CRB1: variants seen among roughly 807,000 people sequenced by gnomAD.
CRB1 encodes the protein protein crumbs homolog 1.
A neutral mutation model predicts 120.0 loss-of-function variants in CRB1; 83 were observed. That is an observed-to-expected ratio of 0.69 (90% CI 0.58 to 0.83). The LOEUF is 0.83. CRB1 is among the 40% of genes least tolerant of loss of function. CRB1 has a pLI of 0.00. For synonymous variants in CRB1, 625 were observed against 612.5 expected (o/e 1.02, Z -0.30); for missense variants, 1,699 against 1,687.6 (o/e 1.01, Z -0.12).
At chr1:197,268,578 C>A in intron 1 of CRB1, 96 bp downstream of exon 1, 5 of 990,610 alleles carry the variant, frequency 5.0e-6, no homozygotes, top group African/African-American at 3.3e-5. Flanking sequence ...CTATAAAATA[C>A]AATGCTAAAA....
At position 197,432,737 on chromosome 1, in the gene CRB1, T is replaced by G. The variant is rs115064670; in HGVS notation, c.2843-1969T>G. Reference sequence around the variant, plus strand: ...TAATTTTAAGTGGTAATGGGAGCTATGAAGAAAATTAAGCATAGACAGTGA... The same window carrying G: ...TAATTTTAAGTGGTAATGGGAGCTAGGAAGAAAATTAAGCATAGACAGTGA... On this transcript the variant is annotated intron_variant, in intron 8 of 11. Coordinates refer to ENST00000367400, the MANE Select transcript of CRB1 (RefSeq NM_201253.3). 6.6e-3 allele frequency among the ~76,000 whole-genome samples: 998 copies of G among 152,196 alleles called. 17 individuals are homozygous for G. The highest frequency in any genetic ancestry group is 0.023 in the African/African-American group (962 of 41,520).
chr1:197,293,103 G>A (rs1436421292), intron 1 of CRB1, among the ~76,000 whole-genome samples: 2 of 152,084 alleles, frequency 1.3e-5, no homozygotes, highest in Non-Finnish European at 2.9e-5. Flanking sequence ...ATTCGATCAG[G>A]AAAAGAGGAA....
At chr1:197,371,044 A>G (rs1661343592) in intron 5 of CRB1, among the ~76,000 whole-genome samples, 1 of 152,086 alleles carries the variant, frequency 6.6e-6, no homozygotes, top group Non-Finnish European at 1.5e-5. Context: ...AGAACCTCCA[A>G]TTATTCCAGT....
intron 1 of CRB1, among the ~76,000 whole-genome samples, chr1:197,269,824 A>G (rs1427206920): frequency 6.6e-6 from 1 of 152,228 alleles, no homozygotes; most frequent in Non-Finnish European, 1.5e-5. Context: ...TATAGTAACT[A>G]TGAATTGATA....
At chr1:197,456,803 A>G (rs1666305364) in intron 11 of CRB1, among the ~76,000 whole-genome samples, 2 of 152,140 alleles carry the variant, frequency 1.3e-5, no homozygotes, top group South Asian at 2.1e-4. Context: ...TATTTTAAAA[A>G]CCGGTTTCTG....
rs1167848229 is a variant in CRB1, at chr1:197,426,205, T to C, written c.2129-1249T>C. ...TTCTGTTGTATCTACCTTCAAAATATTTTGAAAATCTGACCACTTTTGACC... is the reference window on the plus strand; with the variant it reads ...TTCTGTTGTATCTACCTTCAAAATACTTTGAAAATCTGACCACTTTTGACC... On this transcript the variant is annotated intron_variant, in intron 6 of 11. Coordinates refer to ENST00000367400, the MANE Select transcript of CRB1 (RefSeq NM_201253.3). 3.3e-5 allele frequency among the ~76,000 whole-genome samples: 5 copies of C among 152,048 alleles called. No individual in the cohort carries two copies. The South Asian group carries it at 6.2e-4, about 19-fold the overall frequency.
the CRB1 span, among the ~76,000 whole-genome samples, chr1:197,244,075 C>T: frequency 6.6e-6 from 1 of 152,094 alleles, no homozygotes; most frequent in Non-Finnish European, 1.5e-5. Flanking sequence ...TGTCTTTGCA[C>T]ATTAGATGTG....
rs1667283137 is a variant in CRB1 at position 197,478,137 on chromosome 1, G to A, written c.*258G>A. 4 of 494,264 alleles carry A rather than the reference G, an allele frequency of 8.1e-6. No homozygotes were observed. Among genetic ancestry groups the A allele is most frequent in the African/African-American group, 3.9e-5 (2 of 51,498 alleles). The allele number at this position is 494,264 out of a possible 1,614,324, so 30.6% of individuals were successfully genotyped here. On this transcript the variant is annotated 3_prime_UTR_variant, in exon 12 of 12. Coordinates refer to ENST00000367400, the MANE Select transcript of CRB1 (RefSeq NM_201253.3). ...TTATAATTAGCAAAAACATCTTCCAGAGAATAAAGTCTTCTGTGGCTTTAG... is the reference window on the plus strand; with the variant it reads ...TTATAATTAGCAAAAACATCTTCCAAAGAATAAAGTCTTCTGTGGCTTTAG...
intron 1 of CRB1, among the ~76,000 whole-genome samples, chr1:197,279,951 A>G (rs575024625): frequency 1.3e-5 from 2 of 151,780 alleles, no homozygotes; most frequent in Non-Finnish European, 2.9e-5. Flanking sequence ...ATGTTTTTAC[A>G]TAGTTTATCT....
At chr1:197,255,965 TTATA>T in the CRB1 span, among the ~76,000 whole-genome samples, 5,276 of 85,314 alleles carry the variant, frequency 0.062, 350 homozygotes, top group African/African-American at 0.14. Flanking sequence ...ATAGAACATT[TTATA>T]TATATATATA....
In CRB1 at chr1:197,438,601, C is replaced by T. The variant is rs2125506255; in HGVS notation, c.3804C>T (p.Cys1268=). The T allele has an allele frequency of 3.1e-6, 5 of 1,612,998 alleles. No homozygotes were observed. Among genetic ancestry groups the T allele is most frequent in the Non-Finnish European group, 4.2e-6 (5 of 1,179,146 alleles). ...GGAATGAGAAGACAAATCTCACTTGCTACAATGGAGGCAACTGCACAGAGT... is the reference window on the plus strand; with the variant it reads ...GGAATGAGAAGACAAATCTCACTTGTTACAATGGAGGCAACTGCACAGAGT... ...VCGNEKTNLT[C]YNGGNCTEFQ... Residue 1268 remains cysteine (C), a synonymous_variant, in exon 10 of 12, where the codon TGC becomes TGT. Coordinates refer to ENST00000367400, the MANE Select transcript of CRB1 (RefSeq NM_201253.3).
chr1:197,379,541 C>G (rs1476094831), intron 5 of CRB1, among the ~76,000 whole-genome samples: 1 of 150,426 alleles, frequency 6.6e-6, no homozygotes, highest in Non-Finnish European at 1.5e-5. Context: ...ACCTCGTGAT[C>G]CGCCCACCTC....
intron 11 of CRB1, among the ~76,000 whole-genome samples, chr1:197,461,139 T>C (rs963102516): frequency 2.0e-5 from 3 of 152,160 alleles, no homozygotes; most frequent in African/African-American, 7.2e-5. Context: ...TAATTACCAA[T>C]ATAAATGCTC....
At position 197,327,004 on chromosome 1, in the gene CRB1, A is replaced by G. The variant is rs918098326; in HGVS notation, c.71-1418A>G. 3.3e-5 allele frequency among the ~76,000 whole-genome samples: 5 copies of G among 150,442 alleles called. No individual in the cohort carries two copies. The Admixed American group carries it at 3.3e-4, about 10-fold the overall frequency. On this transcript the variant is annotated intron_variant, in intron 1 of 11. Coordinates refer to ENST00000367400, the MANE Select transcript of CRB1 (RefSeq NM_201253.3). ...TAAGAACTCAAAACTATTTCTCAAC[A>G]TCTTATAAAGGTAAGAGCTAGCATT...
At chr1:197,374,127 C>T (rs777229914) in intron 5 of CRB1, among the ~76,000 whole-genome samples, 2 of 151,990 alleles carry the variant, frequency 1.3e-5, no homozygotes, top group African/African-American at 2.4e-5. Context: ...TGCTGTAGTT[C>T]GTGGTAGTGG....
the CRB1 span, among the ~76,000 whole-genome samples, chr1:197,259,616 G>A: frequency 1.3e-5 from 2 of 152,146 alleles, no homozygotes; most frequent in African/African-American, 4.8e-5. Flanking sequence ...GATTGGTGCA[G>A]CAAACCACCA....
At chr1:197,319,259 TAA>T (rs1284967148) in intron 1 of CRB1, among the ~76,000 whole-genome samples, 6 of 49,060 alleles carry the variant, frequency 1.2e-4, no homozygotes, top group Non-Finnish European at 1.4e-4. Flanking sequence ...CTGTCTCTAC[TAA>T]AAAAAAAAAA....
chr1:197,324,713 C>T lies in CRB1; in HGVS notation c.71-3709C>T, dbSNP rs188310388. Among the ~76,000 whole-genome samples the T allele has an allele frequency of 4.6e-5, 7 of 152,236 alleles. No individual in the cohort carries two copies. In the East Asian group the frequency reaches 9.7e-4, roughly 21 times the overall value. ...TTAAACCCAGGCACCAAACTTCATGCGCTTATCCACTATATATATGGCTCC... is the reference window on the plus strand; with the variant it reads ...TTAAACCCAGGCACCAAACTTCATGTGCTTATCCACTATATATATGGCTCC... On this transcript the variant is annotated intron_variant, in intron 1 of 11. Coordinates refer to ENST00000367400, the MANE Select transcript of CRB1 (RefSeq NM_201253.3).
At chr1:197,378,582 A>C (rs1185456045) in intron 5 of CRB1, among the ~76,000 whole-genome samples, 1 of 152,182 alleles carries the variant, frequency 6.6e-6, no homozygotes, top group African/African-American at 2.4e-5. Context: ...CAGCTATATA[A>C]ATTTCAGACC....
Sources: gnomAD v4.1 joint callset for allele counts (sites outside exome capture counted in the v4.1 genomes callset) on GRCh38, gnomAD v4.1.1 for gene constraint, MANE v1.5 for transcripts, NCBI Gene and HGNC (gene_info 2026-07-23, HGNC 2026-07-21) for gene names.